The following PDS5B variants were observed in gnomAD, a reference collection of about 807,000 sequenced individuals.
The protein encoded by PDS5B is sister chromatid cohesion protein PDS5 homolog B.
Under a neutral mutation model 184.1 loss-of-function variants are expected in PDS5B, and 51 were observed. The observed-to-expected ratio is 0.28, with a 90% CI of 0.22 to 0.35. The LOEUF (loss-of-function observed/expected upper bound fraction) is 0.35, where lower values mean the gene tolerates loss of function less well. Ranked by LOEUF, PDS5B falls within the 10% of genes least tolerant of loss-of-function variation. The pLI is 1.00. For synonymous variants in PDS5B, 566 were observed against 569.2 expected, an observed-to-expected ratio of 0.99 and a Z score of 0.08; for missense variants, 1,180 against 1,723.3, an observed-to-expected ratio of 0.68 and a Z score of 5.58.
intron 19 of PDS5B, among the ~76,000 whole-genome samples, chr13:32,718,492 A>T (rs1005384930): frequency 6.6e-6 from 1 of 152,172 alleles, no homozygotes; most frequent in African/African-American, 2.4e-5. Flanking sequence ...TAAGATAGGA[A>T]TCCGTACCTT....
At chr13:32,667,256 G>C (rs576263665) in intron 6 of PDS5B, among the ~76,000 whole-genome samples, 1 of 151,980 alleles carries the variant, frequency 6.6e-6, no homozygotes, top group Non-Finnish European at 1.5e-5. Context: ...ACTATTTGTT[G>C]TATTTCCTGT....
intron 1 of PDS5B, among the ~76,000 whole-genome samples, chr13:32,599,173 A>T (rs1313835640): frequency 6.6e-6 from 1 of 152,220 alleles, no homozygotes; most frequent in Admixed American, 6.5e-5. Context: ...TTATTGTCAT[A>T]TAAATATAAC....
intron 24 of PDS5B, among the ~76,000 whole-genome samples, chr13:32,751,667 G>A (rs1255418035): frequency 6.6e-6 from 1 of 152,144 alleles, no homozygotes; most frequent in African/African-American, 2.4e-5. Flanking sequence ...TTTGAAAAGT[G>A]TCTATGTCCT....
chr13:32,746,995 T>G (rs1352933685), intron 24 of PDS5B, among the ~76,000 whole-genome samples: 1 of 152,192 alleles, frequency 6.6e-6, no homozygotes, highest in Non-Finnish European at 1.5e-5. Flanking sequence ...AAATTTATAC[T>G]TTTATAAAGA....
intron 1 of PDS5B, among the ~76,000 whole-genome samples, chr13:32,635,501 G>A (rs1391896650): frequency 6.6e-6 from 1 of 151,290 alleles, no homozygotes; most frequent in African/African-American, 2.4e-5. Context: ...GTACCACCAC[G>A]CCCAGCTAAT....
chr13:32,652,111 A>G, intron 3 of PDS5B, 104 bp downstream of exon 3: 1 of 800,842 alleles, frequency 1.2e-6, no homozygotes, highest in South Asian at 1.6e-5. Context: ...GGATTCTTTG[A>G]CATTAGCTAC....
At chr13:32,755,529 G>A (rs1954143331) in intron 25 of PDS5B, among the ~76,000 whole-genome samples, 2 of 151,906 alleles carry the variant, frequency 1.3e-5, no homozygotes, top group Non-Finnish European at 2.9e-5. Flanking sequence ...AGTTTGTTTG[G>A]GTCACTTTTT....
Position 32,685,809 on chromosome 13 carries a change from A to AT in PDS5B, c.1204-1315dup, listed in dbSNP as rs910004678. Reference sequence around the variant, plus strand: ...AGGCACATCCCACTATGCCTGGCCAATTTTTTTTTTATTAGAGACAGGGTC... The same window carrying AT: ...AGGCACATCCCACTATGCCTGGCCAATTTTTTTTTTTATTAGAGACAGGGTC... On this transcript the variant is annotated intron_variant, in intron 11 of 34. Coordinates refer to ENST00000315596, the MANE Select transcript of PDS5B (RefSeq NM_015032.4). 1.9e-4 allele frequency among the ~76,000 whole-genome samples: 28 copies of AT among 148,870 alleles called. 1 individual carries two copies. The highest frequency in any genetic ancestry group is 3.9e-4 in the African/African-American group (16 of 40,654).
chr13:32,661,691 A>AAAAAAAT (rs1433490234), intron 6 of PDS5B, among the ~76,000 whole-genome samples: 1 of 152,134 alleles, frequency 6.6e-6, no homozygotes, highest in East Asian at 1.9e-4. Flanking sequence ...CTAGAGTAAA[A>AAAAAAAT]AAAAAATAAA....
chr13:32,603,033 A>C (rs2058002762), intron 1 of PDS5B, among the ~76,000 whole-genome samples: 1 of 152,164 alleles, frequency 6.6e-6, no homozygotes, highest in South Asian at 2.1e-4. Context: ...ACTTTCTCCC[A>C]TTCTGTAGGT....
intron 24 of PDS5B, among the ~76,000 whole-genome samples, chr13:32,748,799 A>C (rs551418461): frequency 6.6e-6 from 1 of 152,216 alleles, no homozygotes; most frequent in South Asian, 2.1e-4. Context: ...TCTGAATGGC[A>C]TTTCTTATAC....
Position 32,604,026 on chromosome 13 carries a change from G to A in PDS5B, c.-20+17433G>A, listed in dbSNP as rs180736053. On this transcript the variant is annotated intron_variant, in intron 1 of 34. Coordinates refer to ENST00000315596, the MANE Select transcript of PDS5B (RefSeq NM_015032.4). ...TACAGTCATGTCATCTGCAAGCAGG[G>A]ACAATTTGACTTCCTCTTTTCCTAA... is the stretch of plus-strand genomic sequence containing the variant. 3.3e-5 allele frequency among the ~76,000 whole-genome samples: 5 copies of A among 151,646 alleles called. No homozygotes were observed. In the East Asian group the frequency reaches 9.7e-4, roughly 29 times the overall value.
intron 13 of PDS5B, chr13:32,690,298 G>T (rs1178489236): frequency 6.6e-6 from 1 of 152,200 alleles, no homozygotes; most frequent in Non-Finnish European, 1.5e-5. Flanking sequence ...GGCAGGGCTG[G>T]AATGTCTCCA....
At chr13:32,771,651 A>G (rs1468362123) in intron 33 of PDS5B, among the ~76,000 whole-genome samples, 3 of 152,086 alleles carry the variant, frequency 2.0e-5, no homozygotes, top group Non-Finnish European at 4.4e-5. Flanking sequence ...CCAGTACTTC[A>G]TGCCATCTTC....
At chr13:32,607,697 G>A (rs1173293620) in intron 1 of PDS5B, among the ~76,000 whole-genome samples, 2 of 152,136 alleles carry the variant, frequency 1.3e-5, no homozygotes, top group Non-Finnish European at 2.9e-5. Context: ...GCTGGGGTGG[G>A]GTGGGCTCCA....
intron 1 of PDS5B, among the ~76,000 whole-genome samples, chr13:32,593,563 A>G (rs9595883): frequency 0.33 from 50,359 of 152,038 alleles, 8,674 homozygotes; most frequent in Non-Finnish European, 0.39. Context: ...CTGGTCTTCA[A>G]CTACTGACCT....
At chr13:32,666,343 T>A (rs1360117821) in intron 6 of PDS5B, among the ~76,000 whole-genome samples, 1 of 152,178 alleles carries the variant, frequency 6.6e-6, no homozygotes, top group Non-Finnish European at 1.5e-5. Context: ...CCTCCCAAAT[T>A]GCTGGGATTA....
intron 6 of PDS5B, among the ~76,000 whole-genome samples, chr13:32,666,201 C>T (rs1243469454): frequency 6.6e-6 from 1 of 152,176 alleles, no homozygotes; most frequent in Non-Finnish European, 1.5e-5. Flanking sequence ...CTGCCTCAGC[C>T]TCCCAAGTAG....
chr13:32,624,542 A>G (rs1197116391), intron 1 of PDS5B, among the ~76,000 whole-genome samples: 1 of 152,166 alleles, frequency 6.6e-6, no homozygotes, highest in Non-Finnish European at 1.5e-5. Context: ...TAAAAGTTTA[A>G]ACATTCATAT....
Sources: gnomAD v4.1 joint callset for allele counts (sites outside exome capture counted in the v4.1 genomes callset) on GRCh38, gnomAD v4.1.1 for gene constraint, MANE v1.5 for transcripts, NCBI Gene and HGNC (gene_info 2026-07-23, HGNC 2026-07-21) for gene names.